Variants in DENND2B observed in about 807,000 individuals in gnomAD.
DENND2B encodes the protein DENN domain containing 2B.
A neutral mutation model predicts 116.0 loss-of-function variants in DENND2B; 32 were observed. The observed-to-expected ratio is 0.28, with a 90% CI of 0.21 to 0.37. DENND2B has a LOEUF of 0.37. Among genes scored for constraint, DENND2B ranks in the 10% least tolerant of loss-of-function variants. DENND2B has a pLI of 1.00. For missense variants in DENND2B, 1,276 were observed against 1,477.7 expected (o/e 0.86, Z 2.24); for synonymous variants, 588 against 583.9 (o/e 1.01, Z -0.10).
intron 11 of DENND2B, among the ~76,000 whole-genome samples, chr11:8,708,606 A>G (rs1189452438): frequency 1.3e-5 from 2 of 152,204 alleles, no homozygotes; most frequent in African/African-American, 4.8e-5. Context: ...AAACAAAGAC[A>G]CTGGGTAGAG....
intron 1 of DENND2B, among the ~76,000 whole-genome samples, chr11:8,791,166 C>A (rs2059345243): frequency 1.3e-5 from 2 of 152,184 alleles, no homozygotes; most frequent in African/African-American, 4.8e-5. Context: ...TCAGTACCAG[C>A]TGCCCACCTG....
chr11:8,780,186 A>G (rs906928358), intron 1 of DENND2B, among the ~76,000 whole-genome samples: 24 of 152,138 alleles, frequency 1.6e-4, no homozygotes, highest in African/African-American at 5.3e-4. Flanking sequence ...GCATAAGCCA[A>G]TATGTTTAGT....
intron 2 of DENND2B, among the ~76,000 whole-genome samples, chr11:8,738,192 A>G (rs892842674): frequency 2.0e-5 from 3 of 152,192 alleles, no homozygotes; most frequent in African/African-American, 7.2e-5. Flanking sequence ...GCCTTATACT[A>G]GCACCCACTT....
intron 2 of DENND2B, among the ~76,000 whole-genome samples, chr11:8,744,875 C>A (rs1009838195): frequency 6.6e-6 from 1 of 151,796 alleles, no homozygotes; most frequent in African/African-American, 2.4e-5. Context: ...AGGAGCTGCA[C>A]ACAAGGAATG....
chr11:8,852,678 T>C (rs2063052193), intron 3 of DENND2B, among the ~76,000 whole-genome samples: 1 of 152,204 alleles, frequency 6.6e-6, no homozygotes, highest in African/African-American at 2.4e-5. Flanking sequence ...AAAATTTGCG[T>C]ACTTTACTGT....
chr11:8,885,926 T>C (rs984803172), intron 1 of DENND2B, among the ~76,000 whole-genome samples: 1 of 152,104 alleles, frequency 6.6e-6, no homozygotes, highest in African/African-American at 2.4e-5. Context: ...AGGAAAGGAA[T>C]ATTCTTTTTT....
intron 1 of DENND2B, among the ~76,000 whole-genome samples, chr11:8,797,971 T>A (rs1480330812): frequency 1.3e-5 from 2 of 152,158 alleles, no homozygotes; most frequent in African/African-American, 4.8e-5. Context: ...GAAAGGAACT[T>A]TCCCCAAATC....
intron 1 of DENND2B, chr11:8,810,128 A>G (rs917590446): frequency 2.0e-5 from 3 of 151,804 alleles, no homozygotes; most frequent in Non-Finnish European, 4.4e-5. Flanking sequence ...ACTAGGACGA[A>G]CAAGCGGCTC....
Position 8,707,677 on chromosome 11 carries a change from TCA to T in DENND2B, c.2430+98_2430+99del. 2.6e-6 allele frequency: 3 copies of T among 1,162,830 alleles called. No homozygotes were observed. Among genetic ancestry groups the T allele is most frequent in the South Asian group, 1.4e-5 (1 of 69,480 alleles). 72.0% of individuals were successfully genotyped at this position (1,162,830 alleles called of 1,614,324 possible). On this transcript the variant is annotated intron_variant, in intron 12 of 19. Coordinates refer to ENST00000313726, the MANE Select transcript of DENND2B (RefSeq NM_213618.2). This position sits in a 1 kb window ranked among gnomAD's most constrained non-coding sequence, Gnocchi z 4.8. ...TTCCTGCATTCTGTCTCCCGCTCGCTCACAGTCACAGGTGGTTTTCTCATCTA... is the reference window on the plus strand; with the variant it reads ...TTCCTGCATTCTGTCTCCCGCTCGCTCAGTCACAGGTGGTTTTCTCATCTA...
At chr11:8,698,286 G>A (rs2040821246) in intron 16 of DENND2B, among the ~76,000 whole-genome samples, 1 of 152,062 alleles carries the variant, frequency 6.6e-6, no homozygotes, top group South Asian at 2.1e-4. Context: ...GTTGGCTTGG[G>A]GCAGGGGGAC....
chr11:8,824,391 C>T (rs1326803522), intron 4 of DENND2B, among the ~76,000 whole-genome samples: 2 of 152,126 alleles, frequency 1.3e-5, no homozygotes, highest in Non-Finnish European at 2.9e-5. Context: ...CTGTTCTTCT[C>T]CTCTATGTGT....
Position 8,707,579 on chromosome 11 carries a change from G to A in DENND2B, c.2430+198C>T, listed in dbSNP as rs1156800447. The stretch of plus-strand genomic sequence containing the variant: ...GCAGACACTGCCAGCACAGGAGCTG[G>A]GGAAATGCCAGCCAGCTGGGTAGAG... On this transcript the variant is annotated intron_variant, in intron 12 of 19. Transcript: ENST00000313726. This position sits in a 1 kb window ranked among gnomAD's most constrained non-coding sequence, Gnocchi z 4.8. Among the ~76,000 whole-genome samples the A allele has an allele frequency of 5.3e-5, 8 of 152,256 alleles. No individual in the cohort carries two copies. Among genetic ancestry groups the A allele is most frequent in the Non-Finnish European group, 1.2e-4 (8 of 68,044 alleles).
chr11:8,766,600 A>C, intron 1 of DENND2B: 1 of 1,288,456 alleles, frequency 7.8e-7, no homozygotes, highest in Non-Finnish European at 1.0e-6. Flanking sequence ...TGAAAGGCCA[A>C]CTCAGGCTTT....
chr11:8,787,197 A>G (rs2058991272), intron 1 of DENND2B: 1 of 152,196 alleles, frequency 6.6e-6, no homozygotes, highest in Non-Finnish European at 1.5e-5. Context: ...AGACACATCA[A>G]TTTTCTCCTC....
At chr11:8,801,406 G>A (rs2060298098) in intron 1 of DENND2B, among the ~76,000 whole-genome samples, 1 of 152,064 alleles carries the variant, frequency 6.6e-6, no homozygotes, top group Non-Finnish European at 1.5e-5. Flanking sequence ...GCCTGGCGTG[G>A]TGGCTCACGC....
intron 2 of DENND2B, among the ~76,000 whole-genome samples, chr11:8,746,931 G>C (rs1229226170): frequency 6.6e-6 from 1 of 152,128 alleles, no homozygotes. Context: ...CTGTGCCTCA[G>C]TTTCCCAATC....
At chr11:8,770,165 T>G (rs143534333) in intron 1 of DENND2B, among the ~76,000 whole-genome samples, 125 of 152,332 alleles carry the variant, frequency 8.2e-4, no homozygotes, top group African/African-American at 3.0e-3. Flanking sequence ...TTTGCAAGTT[T>G]CCCTTCTTCC....
At chr11:8,840,179 C>A (rs963338087) in intron 3 of DENND2B, among the ~76,000 whole-genome samples, 2 of 151,860 alleles carry the variant, frequency 1.3e-5, no homozygotes, top group Non-Finnish European at 2.9e-5. Context: ...TCCAGAGAGG[C>A]CAACACACAC....
intron 1 of DENND2B, among the ~76,000 whole-genome samples, chr11:8,796,359 T>C (rs1300014536): frequency 1.3e-5 from 2 of 152,150 alleles, no homozygotes; most frequent in African/African-American, 2.4e-5. Context: ...CTGGCCAACA[T>C]GGTGAAACCC....
Sources: gnomAD v4.1 joint callset for allele counts (sites outside exome capture counted in the v4.1 genomes callset) on GRCh38, gnomAD v4.1.1 for gene constraint, Gnocchi (gnomAD v3.1) non-coding constraint, MANE v1.5 for transcripts, NCBI Gene and HGNC (gene_info 2026-07-23, HGNC 2026-07-21) for gene names.